Variants in PFKFB3 observed in about 807,000 individuals in gnomAD.
The protein encoded by PFKFB3 is 6-phosphofructo-2-kinase/fructose-2,6-biphosphatase 3.
Under a neutral mutation model 68.0 loss-of-function variants are expected in PFKFB3, and 33 were observed. The observed-to-expected ratio is 0.49, with a 90% confidence interval of 0.37 to 0.65. PFKFB3 has a LOEUF of 0.65. Among genes scored for constraint, PFKFB3 ranks in the 30% least tolerant of loss-of-function variants. PFKFB3 has a pLI of 0.00. For missense variants in PFKFB3, 586 were observed against 712.2 expected, an observed-to-expected ratio of 0.82 and a Z score of 2.02; for synonymous variants, 315 against 288.2, an observed-to-expected ratio of 1.09 and a Z score of -0.94.
chr10:6,285,565 A>T, the PFKFB3 span, among the ~76,000 whole-genome samples: 1 of 150,262 alleles, frequency 6.7e-6, no homozygotes, highest in African/African-American at 2.5e-5. Flanking sequence ...TGTGGTAAGA[A>T]CACTTTATGT....
the PFKFB3 span, chr10:6,294,153 A>G: frequency 2.0e-6 from 1 of 507,472 alleles, no homozygotes; most frequent in Non-Finnish European, 4.0e-6. Flanking sequence ...ACTCAGGCCT[A>G]TGTGTTGAGA....
intron 1 of PFKFB3, among the ~76,000 whole-genome samples, chr10:6,158,141 T>C (rs1000113920): frequency 6.6e-6 from 1 of 151,210 alleles, no homozygotes; most frequent in Non-Finnish European, 1.5e-5. Context: ...AAAAAAAAAT[T>C]AGCCGGGCGT....
the PFKFB3 span, among the ~76,000 whole-genome samples, chr10:6,291,295 G>T: frequency 1.3e-5 from 2 of 152,168 alleles, no homozygotes; most frequent in African/African-American, 2.4e-5. Context: ...GCTGGGCGTG[G>T]TGGCTCATGC....
At chr10:6,309,457 A>G in the PFKFB3 span, among the ~76,000 whole-genome samples, 1 of 152,112 alleles carries the variant, frequency 6.6e-6, no homozygotes, top group Admixed American at 6.5e-5. Flanking sequence ...CCCCGGCTCT[A>G]CTAAAAATAC....
intron 14 of PFKFB3, among the ~76,000 whole-genome samples, chr10:6,245,456 G>A (rs1167254561): frequency 4.6e-5 from 7 of 151,394 alleles, no homozygotes; most frequent in East Asian, 1.9e-4. Context: ...TGGCTCTGTC[G>A]CCCAGGCTGG....
intron 1 of PFKFB3, among the ~76,000 whole-genome samples, chr10:6,210,632 T>TCTCCTGACCTCTTG (rs1358504867): frequency 2.3e-4 from 1 of 4,310 alleles, no homozygotes; most frequent in East Asian, 2.2e-3. Context: ...ATAGTCTTGA[T>TCTCCTGACCTCTTG]AGTGTTTTTA....
At chr10:6,164,258 C>T (rs117216814) in intron 1 of PFKFB3, among the ~76,000 whole-genome samples, 3,419 of 152,252 alleles carry the variant, frequency 0.022, 72 homozygotes, top group Non-Finnish European at 0.035. Context: ...GCTCCTAGCC[C>T]CCAGTGTGGG....
chr10:6,227,286 G>A (rs1845424337), intron 14 of PFKFB3, among the ~76,000 whole-genome samples: 1 of 152,066 alleles, frequency 6.6e-6, no homozygotes, highest in African/African-American at 2.4e-5. Flanking sequence ...TTAAATTCAG[G>A]TACCACCCAA....
At chr10:6,227,807 C>T (rs990229213) in intron 14 of PFKFB3, among the ~76,000 whole-genome samples, 2 of 152,188 alleles carry the variant, frequency 1.3e-5, no homozygotes, top group African/African-American at 4.8e-5. Flanking sequence ...CATACATATT[C>T]CCTTGCAGGT....
the PFKFB3 span, among the ~76,000 whole-genome samples, chr10:6,296,331 A>G: frequency 6.6e-6 from 1 of 152,160 alleles, no homozygotes; most frequent in Admixed American, 6.5e-5. Context: ...AATTCAAAAA[A>G]AGGACTCTCA....
At chr10:6,262,978 C>T in the PFKFB3 span, among the ~76,000 whole-genome samples, 42 of 152,236 alleles carry the variant, frequency 2.8e-4, no homozygotes, top group Admixed American at 1.5e-3. Context: ...GAGACCACCT[C>T]GGTCGGGGAG....
intron 11 of PFKFB3, among the ~76,000 whole-genome samples, 185 bp downstream of exon 11, chr10:6,223,169 C>T (rs906716025): frequency 1.3e-5 from 2 of 152,170 alleles, no homozygotes; most frequent in African/African-American, 2.4e-5. Context: ...TTCCTTGAAG[C>T]CCTTGGGAAA....
At chr10:6,216,245 C>G in intron 4 of PFKFB3, 54 bp downstream of exon 4, 3 of 1,492,972 alleles carry the variant, frequency 2.0e-6, no homozygotes, top group Non-Finnish European at 2.8e-6. Context: ...ATGAGGGTGT[C>G]CTCACCGGCC....
the PFKFB3 span, chr10:6,293,569 C>T: frequency 5.1e-6 from 1 of 196,512 alleles, no homozygotes; most frequent in Non-Finnish European, 1.0e-5. Context: ...TGGTCTCAAA[C>T]TCCTGACATA....
chr10:6,276,399 A>G, the PFKFB3 span, among the ~76,000 whole-genome samples: 6 of 152,004 alleles, frequency 3.9e-5, no homozygotes, highest in African/African-American at 1.4e-4. Flanking sequence ...CTTCAGAAAA[A>G]AAAAAAATCC....
chr10:6,155,042 G>C (rs10905916), intron 1 of PFKFB3, among the ~76,000 whole-genome samples: 86,608 of 152,084 alleles, frequency 0.57, 29,242 homozygotes, highest in Non-Finnish European at 0.75. Flanking sequence ...TGTGCCCCAG[G>C]TCAGTCATCA....
the PFKFB3 span, among the ~76,000 whole-genome samples, chr10:6,273,650 G>A: frequency 1.3e-5 from 2 of 152,146 alleles, no homozygotes; most frequent in Admixed American, 6.5e-5. Context: ...GACCTTATTT[G>A]GAGAAAAGTC....
chr10:6,186,354 T>C (rs1240659073), intron 1 of PFKFB3, among the ~76,000 whole-genome samples: 1 of 152,126 alleles, frequency 6.6e-6, no homozygotes, highest in Non-Finnish European at 1.5e-5. Flanking sequence ...CTCATTCCTG[T>C]GGATGGAATG....
the PFKFB3 span, among the ~76,000 whole-genome samples, chr10:6,321,125 C>G: frequency 6.6e-6 from 1 of 152,172 alleles, no homozygotes; most frequent in East Asian, 1.9e-4. Flanking sequence ...AGCCTTCCCT[C>G]TGGGCCTGGT....
Sources: gnomAD v4.1 joint callset for allele counts (sites outside exome capture counted in the v4.1 genomes callset) on GRCh38, gnomAD v4.1.1 for gene constraint, MANE v1.5 for transcripts, NCBI Gene and HGNC (gene_info 2026-07-23, HGNC 2026-07-21) for gene names.